Variants in UBL3 observed in about 807,000 individuals in gnomAD.
UBL3 encodes the protein ubiquitin-like protein 3.
A neutral mutation model predicts 18.4 loss-of-function variants in UBL3; 6 were observed. That is an observed-to-expected ratio of 0.33 (90% CI 0.18 to 0.64). UBL3 has a LOEUF of 0.64. Ranked by LOEUF, UBL3 falls within the 30% of genes least tolerant of loss-of-function variation. The probability of loss-of-function intolerance (pLI) is 0.76; values close to 1 mark genes in which losing one functional copy is unlikely to be tolerated. For missense variants in UBL3, 109 were observed against 142.9 expected, an observed-to-expected ratio of 0.76 and a Z score of 1.21; for synonymous variants, 49 against 46.6, an observed-to-expected ratio of 1.05 and a Z score of -0.21.
At chr13:29,770,634 G>A (rs1876816681) in intron 3 of UBL3, among the ~76,000 whole-genome samples, 1 of 151,864 alleles carries the variant, frequency 6.6e-6, no homozygotes, top group African/African-American at 2.4e-5. Context: ...TCATATAATC[G>A]ATAGATTAAA....
intron 1 of UBL3, among the ~76,000 whole-genome samples, chr13:29,847,531 T>C (rs1879258493): frequency 6.6e-6 from 1 of 152,216 alleles, no homozygotes; most frequent in Non-Finnish European, 1.5e-5. Context: ...TCTCTCTGAC[T>C]TGGAAACAGT....
At chr13:29,825,312 T>C (rs952254688) in intron 1 of UBL3, among the ~76,000 whole-genome samples, 1 of 152,222 alleles carries the variant, frequency 6.6e-6, no homozygotes, top group African/African-American at 2.4e-5. Context: ...ATTTTCACGA[T>C]ATTGATTATT....
chr13:29,802,050 C>T (rs957181664), intron 1 of UBL3, among the ~76,000 whole-genome samples: 17 of 152,196 alleles, frequency 1.1e-4, no homozygotes, highest in African/African-American at 3.9e-4. Context: ...GAGGAGCCCA[C>T]ACTTTCAGAG....
intron 1 of UBL3, among the ~76,000 whole-genome samples, chr13:29,827,779 G>A (rs1878662493): frequency 6.6e-6 from 1 of 152,142 alleles, no homozygotes; most frequent in Admixed American, 6.6e-5. Flanking sequence ...TAGCATTGAT[G>A]GTCTTTACTA....
Position 29,849,586 on chromosome 13 carries a change from GAA to G in UBL3, c.-50_-49del. The G allele has an allele frequency of 6.2e-7, 1 of 1,609,340 alleles. No individual in the cohort carries two copies. Among genetic ancestry groups the G allele is most frequent in the Non-Finnish European group, 8.5e-7 (1 of 1,177,886 alleles). On this transcript the variant is annotated 5_prime_UTR_variant, in exon 1 of 5. Transcript: ENST00000380680. The stretch of plus-strand genomic sequence containing the variant: ...GATGTTTACGAAAAAAACAAACAAA[GAA>G]AAAAGAGCAGAAGTCTTCACGTTAC...
chr13:29,800,919 G>A (rs12872768), intron 1 of UBL3, among the ~76,000 whole-genome samples: 15,530 of 151,982 alleles, frequency 0.1, 973 homozygotes, highest in African/African-American at 0.17. Context: ...ACCCCCCCAC[G>A]GTGCAGCAGC....
chr13:29,817,790 A>G (rs956801034), intron 1 of UBL3, among the ~76,000 whole-genome samples: 2 of 152,208 alleles, frequency 1.3e-5, no homozygotes, highest in African/African-American at 2.4e-5. Context: ...CTGGGTCAGC[A>G]TTCTGACAGA....
chr13:29,811,854 T>C (rs1878095971), intron 1 of UBL3, among the ~76,000 whole-genome samples: 1 of 152,074 alleles, frequency 6.6e-6, no homozygotes, highest in African/African-American at 2.4e-5. Flanking sequence ...GTTTTTTTGG[T>C]TGGTTGTTTT....
chr13:29,810,050 T>C (rs186134757), intron 1 of UBL3, among the ~76,000 whole-genome samples: 48 of 152,196 alleles, frequency 3.2e-4, no homozygotes, highest in African/African-American at 9.9e-4. Context: ...CCTATGAATA[T>C]GAAAGGCCCA....
At chr13:29,789,900 T>C (rs1877438510) in intron 1 of UBL3, among the ~76,000 whole-genome samples, 1 of 152,230 alleles carries the variant, frequency 6.6e-6, no homozygotes. Context: ...TAAATATTTG[T>C]ATCACTGTTG....
intron 1 of UBL3, among the ~76,000 whole-genome samples, chr13:29,795,668 G>C (rs961505290): frequency 3.4e-5 from 5 of 148,778 alleles, no homozygotes; most frequent in Non-Finnish European, 7.4e-5. Flanking sequence ...GCCTGTAATC[G>C]CAGCTACTAG....
intron 1 of UBL3, among the ~76,000 whole-genome samples, chr13:29,798,002 T>G (rs1033841175): frequency 5.9e-5 from 9 of 151,944 alleles, no homozygotes; most frequent in Admixed American, 1.3e-4. Flanking sequence ...CAATGTAGTT[T>G]TTTTTTTTGA....
intron 1 of UBL3, among the ~76,000 whole-genome samples, chr13:29,810,003 T>C (rs1050960781): frequency 6.6e-6 from 1 of 152,098 alleles, no homozygotes; most frequent in African/African-American, 2.4e-5. Flanking sequence ...TTCCTGGATA[T>C]TTTCAATTCA....
At chr13:29,849,472 A>G (rs1483927340) in intron 1 of UBL3, 40 bp downstream of exon 1, 1 of 1,613,944 alleles carries the variant, frequency 6.2e-7, no homozygotes, top group South Asian at 1.1e-5. Flanking sequence ...AAGATTGGAA[A>G]CCACAATTAA....
chr13:29,797,526 C>T (rs1877645323), intron 1 of UBL3, among the ~76,000 whole-genome samples: 1 of 152,170 alleles, frequency 6.6e-6, no homozygotes, highest in South Asian at 2.1e-4. Flanking sequence ...TTCCCCAATA[C>T]ATTTTTTTTG....
intron 1 of UBL3, among the ~76,000 whole-genome samples, chr13:29,833,301 G>A (rs1192505333): frequency 6.6e-6 from 1 of 152,152 alleles, no homozygotes; most frequent in African/African-American, 2.4e-5. Context: ...AAAAAGTAGT[G>A]GAGATAAAAG....
At chr13:29,829,488 C>T (rs1878714638) in intron 1 of UBL3, among the ~76,000 whole-genome samples, 1 of 152,004 alleles carries the variant, frequency 6.6e-6, no homozygotes, top group Non-Finnish European at 1.5e-5. Context: ...CCCTCCAAGC[C>T]AGGCGCGGGA....
At chr13:29,771,150 A>T (rs1400017818) in intron 3 of UBL3, among the ~76,000 whole-genome samples, 1 of 152,070 alleles carries the variant, frequency 6.6e-6, no homozygotes, top group East Asian at 1.9e-4. Context: ...TAATAAATAC[A>T]TGCTGAATGA....
intron 1 of UBL3, among the ~76,000 whole-genome samples, chr13:29,839,272 A>C (rs1446621972): frequency 6.6e-6 from 1 of 152,242 alleles, no homozygotes; most frequent in African/African-American, 2.4e-5. Context: ...CACAAGTGAA[A>C]TCATAGAATG....
Sources: allele counts gnomAD v4.1 joint callset (sites outside exome capture counted in the v4.1 genomes callset), GRCh38; gene constraint gnomAD v4.1.1; transcripts MANE v1.5; gene names NCBI Gene and HGNC (gene_info 2026-07-23, HGNC 2026-07-21).